TADA2B: variants seen among roughly 807,000 people sequenced by gnomAD.
TADA2B encodes the protein transcriptional adaptor 2B.
Under a neutral mutation model 34.5 loss-of-function variants are expected in TADA2B, and 13 were observed. That is an observed-to-expected ratio of 0.38 (90% CI 0.25 to 0.60). The LOEUF is 0.60. TADA2B is among the 20% of genes least tolerant of loss of function. The probability of loss-of-function intolerance (pLI) is 0.65; values close to 1 mark genes in which losing one functional copy is unlikely to be tolerated. For missense variants in TADA2B, 442 were observed against 575.0 expected (o/e 0.77, Z 2.37); for synonymous variants, 240 against 243.4 (o/e 0.99, Z 0.13).
chr4:7,043,666 C>G lies in TADA2B; in HGVS notation c.87C>G (p.Ile29Met). 1 of 1,580,138 alleles carries G rather than the reference C, an allele frequency of 6.3e-7. No homozygotes were observed. Among genetic ancestry groups the G allele is most frequent in the Non-Finnish European group, 8.6e-7 (1 of 1,165,688 alleles). Residue 29 changes from isoleucine to methionine, a missense_variant, in exon 1 of 2, where the codon ATC becomes ATG. Ile to Met is a conservative substitution (Grantham distance 10). Around this residue, in one of 4 missense-constraint regions of TADA2B, gnomAD observed 102 missense variants for 177.2 expected, o/e 0.58. Transcript: ENST00000310074. ...TCCGCTGCACCGAGTGCCAGGACAT[C>G]GAGCTGTGCCCCGAGTGCTTCTCGG... ...LRFRCTECQD[I>M]ELCPECFSAG...
intron 1 of TADA2B, 33 bp from the exon 2 acceptor site, chr4:7,054,029 G>A (rs911400328): frequency 6.6e-7 from 1 of 1,524,840 alleles, no homozygotes; most frequent in Non-Finnish European, 8.8e-7. Flanking sequence ...GCACCCTGAT[G>A]GTGGAACTAA....
intron 1 of TADA2B, chr4:7,053,351 C>G (rs112413258): frequency 2.8e-3 from 426 of 152,478 alleles, no homozygotes; most frequent in Non-Finnish European, 3.7e-3. Flanking sequence ...CAGCCAGCTG[C>G]TTAACCGTGG....
chr4:7,050,061 G>T (rs1723725921), intron 1 of TADA2B, among the ~76,000 whole-genome samples: 1 of 152,258 alleles, frequency 6.6e-6, no homozygotes, highest in South Asian at 2.1e-4. Flanking sequence ...GTGGCAGGTG[G>T]GGCCCTCCCA....
intron 1 of TADA2B, among the ~76,000 whole-genome samples, chr4:7,051,688 C>T (rs1560393943): frequency 6.6e-6 from 1 of 151,886 alleles, no homozygotes; most frequent in African/African-American, 2.4e-5. Flanking sequence ...AGCTCCACCT[C>T]CCGGGTTCAC....
At position 7,055,638 on chromosome 4, in the gene TADA2B, G is replaced by C. The variant is rs1311149507; in HGVS notation, c.*584G>C. On this transcript the variant is annotated 3_prime_UTR_variant, in exon 2 of 2. Coordinates refer to ENST00000310074, the MANE Select transcript of TADA2B (RefSeq NM_152293.3). ...ACAGGCTGGCGTTTTGTTGGGAACT[G>C]AAGAGGAATCTGTTGAACACAGCGA... 2.6e-5 allele frequency: 4 copies of C among 152,558 alleles called. No individual in the cohort carries two copies. Among genetic ancestry groups the C allele is most frequent in the African/African-American group, 9.6e-5 (4 of 41,480 alleles). 9.5% of individuals were successfully genotyped at this position (152,558 alleles called of 1,614,324 possible). A position where few individuals can be genotyped will look rare whatever the true frequency, so the allele number is the denominator to read the frequency against.
At chr4:7,049,798 C>T (rs1011568554) in intron 1 of TADA2B, among the ~76,000 whole-genome samples, 21 of 152,366 alleles carry the variant, frequency 1.4e-4, no homozygotes, top group African/African-American at 4.3e-4. Context: ...CAGGGGCCAC[C>T]GCATGGCCGT....
intron 1 of TADA2B, among the ~76,000 whole-genome samples, chr4:7,048,031 C>T (rs914082991): frequency 2.6e-5 from 4 of 152,234 alleles, no homozygotes; most frequent in Non-Finnish European, 4.4e-5. Flanking sequence ...AGGCTTCTGA[C>T]TCCATGCCTA....
intron 1 of TADA2B, among the ~76,000 whole-genome samples, chr4:7,048,045 C>T (rs1446930481): frequency 6.6e-6 from 1 of 152,220 alleles, no homozygotes; most frequent in Non-Finnish European, 1.5e-5. Flanking sequence ...ATGCCTAGAA[C>T]CATCCGTTTC....
intron 1 of TADA2B, chr4:7,045,217 C>G (rs536097897): frequency 3.5e-4 from 54 of 152,748 alleles, no homozygotes; most frequent in African/African-American, 1.3e-3. Flanking sequence ...CAGCCGCCTC[C>G]CTGGCCTACC....
chr4:7,051,735 C>T (rs2108785526), intron 1 of TADA2B, among the ~76,000 whole-genome samples: 1 of 152,172 alleles, frequency 6.6e-6, no homozygotes, highest in South Asian at 2.1e-4. Context: ...GTAGCTGGGA[C>T]TACAGGCGCC....
intron 1 of TADA2B, among the ~76,000 whole-genome samples, chr4:7,047,867 AGT>A (rs1225480172): frequency 2.6e-5 from 4 of 152,204 alleles, no homozygotes; most frequent in Non-Finnish European, 4.4e-5. Flanking sequence ...GTGATCACGC[AGT>A]GTCTGCTCGC....
intron 1 of TADA2B, among the ~76,000 whole-genome samples, chr4:7,048,300 C>T (rs974343788): frequency 6.6e-5 from 10 of 151,958 alleles, no homozygotes; most frequent in Admixed American, 2.0e-4. Flanking sequence ...AGGGAGAGCC[C>T]GGATGGGAGA....
chr4:7,043,850 G>A lies in TADA2B; in HGVS notation c.270+1G>A. 6.9e-7 allele frequency: 1 copy of A among 1,457,564 alleles called. No individual in the cohort carries two copies. The highest frequency in any genetic ancestry group is 9.1e-7 in the Non-Finnish European group (1 of 1,103,530). The allele number at this position is 1,457,564 out of a possible 1,614,324, so 90.3% of individuals were successfully genotyped here. A position where few individuals can be genotyped will look rare whatever the true frequency, so the allele number is the denominator to read the frequency against. ...CGAGCAGTTCGGCTTCGGAAACTGGGTGAGCGGCGCGACGGGGGCCGGGTC... is the reference window on the plus strand; with the variant it reads ...CGAGCAGTTCGGCTTCGGAAACTGGATGAGCGGCGCGACGGGGGCCGGGTC... On this transcript the variant is annotated splice_donor_variant, in intron 1 of 1. Transcript: ENST00000310074. LOFTEE classifies it high-confidence loss of function.
At chr4:7,051,773 A>AG (rs1252046798) in intron 1 of TADA2B, among the ~76,000 whole-genome samples, 1 of 151,434 alleles carries the variant, frequency 6.6e-6, no homozygotes, top group Non-Finnish European at 1.5e-5. Context: ...AATTTTTTGT[A>AG]TTTTTAGTAG....
chr4:7,051,483 G>A (rs1355228974), intron 1 of TADA2B, among the ~76,000 whole-genome samples: 1 of 152,232 alleles, frequency 6.6e-6, no homozygotes, highest in Non-Finnish European at 1.5e-5. Context: ...GCACACTAAG[G>A]AGTCCAGCTG....
In TADA2B at chr4:7,043,483, CGCGGCG is replaced by C; in HGVS notation, c.-86_-81del. The stretch of plus-strand genomic sequence containing the variant: ...CGGCGGCGGGCGGCGGTTGCTCGTG[CGCGGCG>C]GCGGCGGCGGGTCCCGCGGGCGGCG... On this transcript the variant is annotated 5_prime_UTR_variant, in exon 1 of 2. Coordinates refer to ENST00000310074, the MANE Select transcript of TADA2B (RefSeq NM_152293.3). 2.8e-6 allele frequency: 2 copies of C among 712,936 alleles called. No homozygotes were observed. Among genetic ancestry groups the C allele is most frequent in the Non-Finnish European group, 3.4e-6 (2 of 589,194 alleles). The allele number at this position is 712,936 out of a possible 1,614,324, so 44.2% of individuals were successfully genotyped here. A position where few individuals can be genotyped will look rare whatever the true frequency, so the allele number is the denominator to read the frequency against.
intron 1 of TADA2B, among the ~76,000 whole-genome samples, chr4:7,046,730 G>A (rs896356066): frequency 1.3e-5 from 2 of 152,220 alleles, no homozygotes; most frequent in African/African-American, 4.8e-5. Context: ...GGGGGCTGGC[G>A]ACAGTGATGT....
At chr4:7,053,127 G>A (rs569408064) in intron 1 of TADA2B, 3 of 152,602 alleles carry the variant, frequency 2.0e-5, no homozygotes, top group East Asian at 1.9e-4. Flanking sequence ...AGAGGCAGGT[G>A]GGGGCTGGGT....
chr4:7,054,756 A>G lies in TADA2B; in HGVS notation c.965A>G (p.Lys322Arg), dbSNP rs1723850339. 4.3e-6 allele frequency: 7 copies of G among 1,613,972 alleles called. No individual in the cohort carries two copies. In the Middle Eastern group the frequency reaches 1.2e-3, roughly 266 times the overall value. Residue 322 changes from lysine (K) to arginine (R), a missense_variant, in exon 2 of 2, where the codon AAA becomes AGA. Transcript: ENST00000310074. ...AAACGGGAGAAGAGGAAGGAGAACA[A>G]AAACCTAGCCGGCTCCAAACGGGGA... ...RHKREKRKEN[K>R]NLAGSKRGKE...
Sources: allele counts gnomAD v4.1 joint callset (sites outside exome capture counted in the v4.1 genomes callset), GRCh38; gene constraint gnomAD v4.1.1; regional missense constraint gnomAD v4.1.1; transcripts MANE v1.5; gene names NCBI Gene and HGNC (gene_info 2026-07-23, HGNC 2026-07-21).